The following DAPK1 variants were observed in gnomAD, a reference collection of about 807,000 sequenced individuals.
The protein encoded by DAPK1 is death-associated protein kinase 1.
In DAPK1, 56 loss-of-function variants were observed where a neutral mutation model predicts 144.9. The ratio of observed to expected loss-of-function variants is 0.39; its 90% CI spans 0.31 to 0.48. The LOEUF is 0.48. Among genes scored for constraint, DAPK1 ranks in the 20% least tolerant of loss-of-function variants. The pLI is 0.95. For missense variants in DAPK1, 1,454 were observed against 1,875.4 expected, an observed-to-expected ratio of 0.78 and a Z score of 4.15; for synonymous variants, 690 against 749.0, an observed-to-expected ratio of 0.92 and a Z score of 1.29.
At chr9:87,562,407 G>T (rs1186129583) in intron 2 of DAPK1, among the ~76,000 whole-genome samples, 2 of 152,150 alleles carry the variant, frequency 1.3e-5, no homozygotes, top group African/African-American at 4.8e-5. Context: ...ACAAATTAAG[G>T]ACTGGGTCTT....
chr9:87,514,670 A>AAACACGAT (rs2118151167), intron 2 of DAPK1, among the ~76,000 whole-genome samples: 1 of 152,356 alleles, frequency 6.6e-6, no homozygotes, highest in South Asian at 2.1e-4. Context: ...TGGATTGAAC[A>AAACACGAT]AAGCCCGACA....
In DAPK1 at chr9:87,536,848, A is replaced by G. The variant is rs142296985; in HGVS notation, c.62+37709A>G. On this transcript the variant is annotated intron_variant, in intron 2 of 25. Transcript: ENST00000408954. ...CAATAAATTTATTCAAAATTCAACA[A>G]TGGGGAAGAACTTTAATTAACCTGA... is the stretch of plus-strand genomic sequence containing the variant. Among the ~76,000 whole-genome samples the G allele has an allele frequency of 1.5e-3, 224 of 152,332 alleles. 1 individual carries two copies. The highest frequency in any genetic ancestry group is 5.2e-3 in the African/African-American group (217 of 41,574).
intron 2 of DAPK1, among the ~76,000 whole-genome samples, chr9:87,545,806 A>C (rs1826230704): frequency 6.6e-6 from 1 of 152,038 alleles, no homozygotes; most frequent in Non-Finnish European, 1.5e-5. Flanking sequence ...CAGCCTCCCA[A>C]AGTGCTGGGA....
intron 2 of DAPK1, among the ~76,000 whole-genome samples, chr9:87,538,925 G>A (rs1021284699): frequency 6.6e-6 from 1 of 151,242 alleles, no homozygotes; most frequent in African/African-American, 2.4e-5. Context: ...TGGATGCTAA[G>A]AGATCTGCTA....
At chr9:87,568,468 G>T (rs943902455) in intron 2 of DAPK1, among the ~76,000 whole-genome samples, 5 of 152,192 alleles carry the variant, frequency 3.3e-5, no homozygotes, top group Non-Finnish European at 4.4e-5. Flanking sequence ...TTTTGTTGAA[G>T]CAATTTAGCT....
At position 87,643,456 on chromosome 9, in the gene DAPK1, C is replaced by T. The variant is rs763422868; in HGVS notation, c.999C>T (p.Ser333=). The T allele has an allele frequency of 1.2e-6, 2 of 1,606,010 alleles. No individual in the cohort carries two copies. The highest frequency in any genetic ancestry group is 8.5e-7 in the Non-Finnish European group (1 of 1,175,518). The change falls in exon 11 of 26, where the codon AGC becomes AGT. Residue 333 remains serine, a synonymous_variant. Coordinates refer to ENST00000408954, the MANE Select transcript of DAPK1 (RefSeq NM_004938.4). ...LSRSNMSVAR[S]DDTLDEEDSF... ...GAAGTAACATGAGTGTTGCCAGAAGCGATGATACTCTGGTAAGCAAACCCG... is the reference window on the plus strand; with the variant it reads ...GAAGTAACATGAGTGTTGCCAGAAGTGATGATACTCTGGTAAGCAAACCCG...
chr9:87,671,037 G>A (rs1415620363), intron 19 of DAPK1, among the ~76,000 whole-genome samples: 11 of 152,210 alleles, frequency 7.2e-5, no homozygotes, highest in Admixed American at 7.2e-4. Flanking sequence ...AAGGACCGAG[G>A]GAGAGCAGTG....
intron 3 of DAPK1, among the ~76,000 whole-genome samples, chr9:87,622,160 T>G (rs555825843): frequency 1.3e-5 from 2 of 152,204 alleles, no homozygotes; most frequent in South Asian, 4.1e-4. Flanking sequence ...TGGAGTATTT[T>G]TATGGTACCT....
chr9:87,604,037 G>A (rs1193643271), intron 2 of DAPK1, among the ~76,000 whole-genome samples: 2 of 152,126 alleles, frequency 1.3e-5, no homozygotes, highest in African/African-American at 2.4e-5. Context: ...TTTCAGGCCG[G>A]GGCTGATCCA....
At chr9:87,700,041 G>A in intron 23 of DAPK1, 76 bp from the exon 24 acceptor site, 1 of 1,257,510 alleles carries the variant, frequency 8.0e-7, no homozygotes, top group East Asian at 2.3e-5. Flanking sequence ...TCTTGAGCCA[G>A]TAGGAGCCTG....
intron 20 of DAPK1, among the ~76,000 whole-genome samples, chr9:87,684,160 G>A (rs916424492): frequency 3.3e-5 from 5 of 152,258 alleles, no homozygotes; most frequent in African/African-American, 1.2e-4. Context: ...CCGCGAGGGC[G>A]GCCTGGGGAG....
intron 19 of DAPK1, 89 bp from the exon 20 acceptor site, chr9:87,681,315 A>G (rs1401689491): frequency 3.9e-6 from 3 of 760,964 alleles, no homozygotes; most frequent in Non-Finnish European, 6.8e-6. Flanking sequence ...CAGCATGGGT[A>G]AAAACTGCAC....
chr9:87,596,428 C>A (rs1009532385), intron 2 of DAPK1, among the ~76,000 whole-genome samples: 1 of 152,176 alleles, frequency 6.6e-6, no homozygotes, highest in African/African-American at 2.4e-5. Context: ...AAGCCCTGCC[C>A]AGCCAGAACA....
intron 2 of DAPK1, among the ~76,000 whole-genome samples, chr9:87,548,816 C>T (rs1480791761): frequency 6.9e-6 from 1 of 145,522 alleles, no homozygotes. Context: ...AGATCTGGTT[C>T]TGTTTTGTGG....
At chr9:87,662,251 A>G (rs915400104) in intron 18 of DAPK1, among the ~76,000 whole-genome samples, 15 of 152,122 alleles carry the variant, frequency 9.9e-5, no homozygotes, top group African/African-American at 3.4e-4. Flanking sequence ...AAATTAGGCA[A>G]TATGATGTCT....
intron 2 of DAPK1, among the ~76,000 whole-genome samples, chr9:87,565,794 G>T (rs1338796938): frequency 6.6e-6 from 1 of 152,064 alleles, no homozygotes; most frequent in Non-Finnish European, 1.5e-5. Context: ...GCTACTCCTA[G>T]TTGTACACGA....
chr9:87,635,490 C>T (rs924552682), intron 3 of DAPK1, among the ~76,000 whole-genome samples: 9 of 152,150 alleles, frequency 5.9e-5, no homozygotes, highest in Non-Finnish European at 1.0e-4. Context: ...GTTCCTTCCC[C>T]TCACCTTCTT....
chr9:87,619,023 C>T (rs1180123087), intron 3 of DAPK1, among the ~76,000 whole-genome samples: 1 of 152,136 alleles, frequency 6.6e-6, no homozygotes, highest in Non-Finnish European at 1.5e-5. Flanking sequence ...GGCCCCTCCC[C>T]ATATTCATCC....
chr9:87,643,530 C>A, intron 11 of DAPK1, 62 bp downstream of exon 11: 2 of 1,103,622 alleles, frequency 1.8e-6, no homozygotes, highest in African/African-American at 1.6e-5. Context: ...AATGACCAAG[C>A]TGTTCTATTT....
Sources: allele counts gnomAD v4.1 joint callset (sites outside exome capture counted in the v4.1 genomes callset), GRCh38; gene constraint gnomAD v4.1.1; transcripts MANE v1.5; gene names NCBI Gene and HGNC (gene_info 2026-07-23, HGNC 2026-07-21).